CFAP100: variants seen among roughly 807,000 people sequenced by gnomAD.
CFAP100 encodes the protein cilia- and flagella-associated protein 100.
CFAP100 carries 70 observed loss-of-function variants against 81.5 expected under a neutral mutation model. That is an observed-to-expected ratio of 0.86 (90% confidence interval 0.71 to 1.05). The LOEUF is 1.05. Among genes scored for constraint, CFAP100 ranks in the 50% least tolerant of loss-of-function variants. CFAP100 has a pLI of 0.00. For missense variants in CFAP100, 811 were observed against 776.5 expected (o/e 1.04, Z -0.53); for synonymous variants, 341 against 314.8 (o/e 1.08, Z -0.88).
intron 3 of CFAP100, among the ~76,000 whole-genome samples, chr3:126,410,588 A>G (rs1170930115): frequency 6.6e-6 from 1 of 151,324 alleles, no homozygotes; most frequent in East Asian, 2.0e-4. Context: ...TGCAGCCTCG[A>G]CCTCCTGGGT....
At chr3:126,406,367 C>G (rs1320543618) in intron 2 of CFAP100, among the ~76,000 whole-genome samples, 2 of 152,228 alleles carry the variant, frequency 1.3e-5, no homozygotes, top group Non-Finnish European at 2.9e-5. Flanking sequence ...CGGGACCACA[C>G]AGTCCCTCCC....
intron 13 of CFAP100, among the ~76,000 whole-genome samples, chr3:126,425,051 G>A (rs2083387526): frequency 6.6e-6 from 1 of 152,256 alleles, no homozygotes; most frequent in Non-Finnish European, 1.5e-5. Context: ...CCTCAGGCAA[G>A]ACTATGTGCC....
chr3:126,418,937 G>C (rs1409702743), intron 7 of CFAP100, 139 bp from the exon 8 acceptor site: 3 of 1,033,796 alleles, frequency 2.9e-6, no homozygotes, highest in Non-Finnish European at 4.2e-6. Flanking sequence ...ACGGGCAAAA[G>C]GCTTAACTGT....
At position 126,431,047 on chromosome 3, in the gene CFAP100, G is replaced by A. The variant is rs146358357; in HGVS notation, c.1287-2022G>A. ...AAGGACTTGCTTCTTTCAGTCTTTAGGGACTGGCTTCAGCAAGGAAAGCCA... is the reference window on the plus strand; with the variant it reads ...AAGGACTTGCTTCTTTCAGTCTTTAAGGACTGGCTTCAGCAAGGAAAGCCA... On this transcript the variant is annotated intron_variant, in intron 13 of 16. Transcript: ENST00000352312. 5.8e-4 allele frequency among the ~76,000 whole-genome samples: 89 copies of A among 152,274 alleles called. 1 individual carries two copies. Among genetic ancestry groups the A allele is most frequent in the African/African-American group, 2.1e-3 (89 of 41,552 alleles).
At chr3:126,409,654 G>C (rs1197414974) in intron 3 of CFAP100, among the ~76,000 whole-genome samples, 2 of 152,194 alleles carry the variant, frequency 1.3e-5, no homozygotes, top group Non-Finnish European at 2.9e-5. Context: ...GTATATGTTA[G>C]TATCTCATAT....
chr3:126,399,148 C>T (rs2082932968), intron 2 of CFAP100, among the ~76,000 whole-genome samples: 1 of 152,238 alleles, frequency 6.6e-6, no homozygotes, highest in African/African-American at 2.4e-5. Flanking sequence ...CTACATCCCT[C>T]ATTGCTGTTC....
At chr3:126,417,185 T>C (rs553333055) in intron 5 of CFAP100, among the ~76,000 whole-genome samples, 31 of 152,296 alleles carry the variant, frequency 2.0e-4, no homozygotes, top group African/African-American at 6.7e-4. Flanking sequence ...TTTGTGGTCA[T>C]ACCCAGGTCA....
intron 16 of CFAP100, among the ~76,000 whole-genome samples, chr3:126,436,015 C>G (rs55768719): frequency 2.0e-5 from 3 of 152,202 alleles, no homozygotes; most frequent in Non-Finnish European, 4.4e-5. Flanking sequence ...GTCCCAAGGC[C>G]CCCACCCTTC....
chr3:126,399,880 G>A (rs1287860219), intron 2 of CFAP100, among the ~76,000 whole-genome samples: 1 of 152,148 alleles, frequency 6.6e-6, no homozygotes, highest in African/African-American at 2.4e-5. Context: ...TGTGTTCCCG[G>A]TACAGCTTGC....
intron 3 of CFAP100, among the ~76,000 whole-genome samples, chr3:126,411,705 C>A (rs995389217): frequency 6.6e-6 from 1 of 151,982 alleles, no homozygotes; most frequent in Admixed American, 6.6e-5. Flanking sequence ...CATACATGTT[C>A]GTAGTAGTCT....
intron 14 of CFAP100, 77 bp downstream of exon 14, chr3:126,433,281 G>A (rs3732541): frequency 0.018 from 27,233 of 1,550,128 alleles, 1,274 homozygotes; most frequent in African/African-American, 0.16. Flanking sequence ...AGCCCTGACA[G>A]CCCTTGGGAA....
chr3:126,425,126 C>T (rs1437354077), intron 13 of CFAP100, among the ~76,000 whole-genome samples: 2 of 152,244 alleles, frequency 1.3e-5, no homozygotes, highest in African/African-American at 4.8e-5. Context: ...CAGGCTCCAG[C>T]TTTCCAGATA....
At chr3:126,404,449 G>A (rs562722779) in intron 2 of CFAP100, among the ~76,000 whole-genome samples, 37 of 152,166 alleles carry the variant, frequency 2.4e-4, no homozygotes, top group Non-Finnish European at 4.4e-4. Flanking sequence ...TCTATGGAAG[G>A]CTGCCTGCAC....
At position 126,420,186 on chromosome 3, in the gene CFAP100, C is replaced by G; in HGVS notation, c.1039C>G (p.Gln347Glu). The change falls in exon 11 of 17, where the codon CAA becomes GAA. Residue 347 changes from glutamine to glutamate, a missense_variant. Coordinates refer to ENST00000352312, the MANE Select transcript of CFAP100 (RefSeq NM_182628.3). Reference sequence around the variant, plus strand: ...CCCGTCTTACCTGAGCAGCCCCCAGCAAGGCAGCCAGCCCAGCGAGTCCAG... The same window carrying G: ...CCCGTCTTACCTGAGCAGCCCCCAGGAAGGCAGCCAGCCCAGCGAGTCCAG... The part of the protein sequence containing the change: ...RSPSYLSSPQ[Q>E]GSQPSESSGG... 3.1e-6 allele frequency: 5 copies of G among 1,612,836 alleles called. No homozygotes were observed. The highest frequency in any genetic ancestry group is 4.2e-6 in the Non-Finnish European group (5 of 1,180,006).
intron 13 of CFAP100, among the ~76,000 whole-genome samples, chr3:126,426,922 C>A (rs1210641243): frequency 2.0e-5 from 3 of 152,154 alleles, no homozygotes; most frequent in African/African-American, 4.8e-5. Context: ...TACATTAGCA[C>A]CCTCTGAAAT....
chr3:126,414,640 G>A (rs1012806353), intron 4 of CFAP100, among the ~76,000 whole-genome samples: 26 of 152,202 alleles, frequency 1.7e-4, no homozygotes, highest in African/African-American at 5.8e-4. Context: ...GCCGCCCACG[G>A]CACGCACACA....
At chr3:126,428,440 A>G (rs898424766) in intron 13 of CFAP100, among the ~76,000 whole-genome samples, 11 of 152,204 alleles carry the variant, frequency 7.2e-5, no homozygotes, top group African/African-American at 2.4e-4. Flanking sequence ...TGATGGATAC[A>G]TATCATTATA....
At chr3:126,423,220 A>T in intron 11 of CFAP100, 105 bp from the exon 12 acceptor site, 1 of 872,630 alleles carries the variant, frequency 1.1e-6, no homozygotes, top group Non-Finnish European at 1.8e-6. Flanking sequence ...CTGGGAGAGG[A>T]GGGATGGGGA....
chr3:126,418,207 C>T (rs2083272352), intron 5 of CFAP100: 1 of 514,578 alleles, frequency 1.9e-6, no homozygotes, highest in African/African-American at 1.9e-5. Flanking sequence ...AAGAAAGGCG[C>T]AAGTCAGACA....
Sources: gnomAD v4.1 joint callset for allele counts (sites outside exome capture counted in the v4.1 genomes callset) on GRCh38, gnomAD v4.1.1 for gene constraint, MANE v1.5 for transcripts, NCBI Gene and HGNC (gene_info 2026-07-23, HGNC 2026-07-21) for gene names.